Variants in ARHGAP23 observed in about 807,000 individuals in gnomAD.
ARHGAP23 encodes the protein Rho GTPase activating protein 23, also known as rho GTPase-activating protein 23.
Under a neutral mutation model 136.3 loss-of-function variants are expected in ARHGAP23, and 34 were observed. The ratio of observed to expected loss-of-function variants is 0.25; its 90% CI spans 0.19 to 0.33. The LOEUF (loss-of-function observed/expected upper bound fraction) is 0.33. Ranked by LOEUF, ARHGAP23 falls within the 10% of genes least tolerant of loss-of-function variation. The pLI, the probability that ARHGAP23 is intolerant of heterozygous loss-of-function variation, is 1.00. For missense variants in ARHGAP23, 1,808 were observed against 2,139.0 expected (o/e 0.85, Z 3.05); for synonymous variants, 832 against 920.5 (o/e 0.90, Z 1.74).
chr17:38,505,359 TCTC>T (rs1385177319), intron 23 of ARHGAP23, among the ~76,000 whole-genome samples: 2 of 151,916 alleles, frequency 1.3e-5, no homozygotes, highest in African/African-American at 4.8e-5. Context: ...ACTTTTGTCT[TCTC>T]TGGTGGTCCC....
At chr17:38,467,810 C>T (rs1367960161) in intron 7 of ARHGAP23, among the ~76,000 whole-genome samples, 1 of 152,194 alleles carries the variant, frequency 6.6e-6, no homozygotes, top group African/African-American at 2.4e-5. Flanking sequence ...TCCTTTGACT[C>T]TTCCTTCCAT....
At chr17:38,460,852 C>T in intron 2 of ARHGAP23, 53 bp from the exon 3 acceptor site, 1 of 1,536,034 alleles carries the variant, frequency 6.5e-7, no homozygotes. Context: ...TGGGCCACCC[C>T]TGGCTGCTGA....
chr17:38,458,069 G>A (rs1353784288), intron 1 of ARHGAP23, 33 bp from the exon 2 acceptor site: 11 of 1,535,000 alleles, frequency 7.2e-6, no homozygotes, highest in South Asian at 1.2e-5. Flanking sequence ...TCAGCCACAC[G>A]GGCGCTCAGC....
At position 38,431,938 on chromosome 17, in the gene ARHGAP23, A is replaced by G. The variant is rs1001575251; in HGVS notation, c.63+3390A>G. On this transcript the variant is annotated intron_variant, in intron 1 of 23. Coordinates refer to ENST00000622683, the MANE Select transcript of ARHGAP23 (RefSeq NM_001199417.2). ...CCAAGAGGGAGAGGGGAGGGCAGGG[A>G]GCTGCAGGGATGAGTGGACAATGTA... Among the ~76,000 whole-genome samples, 3 of 152,246 alleles carry G rather than the reference A, an allele frequency of 2.0e-5. No homozygotes were observed. In the East Asian group the frequency reaches 5.8e-4, roughly 29 times the overall value.
intron 11 of ARHGAP23, among the ~76,000 whole-genome samples, chr17:38,476,558 C>T (rs1201298116): frequency 3.3e-5 from 5 of 152,158 alleles, no homozygotes; most frequent in East Asian, 3.9e-4. Flanking sequence ...GTGGGGGTGC[C>T]GGGCTGTGGC....
At chr17:38,424,714 G>A (rs2038553000), upstream of ARHGAP23, among the ~76,000 whole-genome samples, 1 of 152,188 alleles carries the variant, frequency 6.6e-6, no homozygotes. Flanking sequence ...TGCGGGTTAA[G>A]TGTATAGACC....
upstream of ARHGAP23, among the ~76,000 whole-genome samples, chr17:38,426,680 G>A (rs951550433): frequency 1.3e-5 from 2 of 152,024 alleles, no homozygotes; most frequent in Non-Finnish European, 2.9e-5. Context: ...GGAAGGGAGA[G>A]GAGTCATTTA....
upstream of ARHGAP23, chr17:38,428,312 G>A (rs868352064): frequency 8.1e-4 from 215 of 266,630 alleles, no homozygotes; most frequent in Middle Eastern, 0.015. Flanking sequence ...CGAGGCCGCC[G>A]GGGCACCCAG....
At chr17:38,435,743 C>A (rs925276753) in intron 1 of ARHGAP23, among the ~76,000 whole-genome samples, 2 of 152,156 alleles carry the variant, frequency 1.3e-5, no homozygotes, top group African/African-American at 2.4e-5. Flanking sequence ...GGATTACAGG[C>A]GCCCTCTACC....
chr17:38,496,339 T>G (rs2144774969), intron 20 of ARHGAP23, among the ~76,000 whole-genome samples: 1 of 151,880 alleles, frequency 6.6e-6, no homozygotes, highest in African/African-American at 2.4e-5. Context: ...CTGTGCAAGG[T>G]GGCACATGCC....
chr17:38,454,365 T>C (rs909427761), intron 1 of ARHGAP23, among the ~76,000 whole-genome samples: 1 of 152,048 alleles, frequency 6.6e-6, no homozygotes, highest in Non-Finnish European at 1.5e-5. Context: ...ACCCCCAGTC[T>C]GGGTCGAGGC....
At chr17:38,498,954 G>A in intron 22 of ARHGAP23, 1 of 699,724 alleles carries the variant, frequency 1.4e-6, no homozygotes, top group Non-Finnish European at 2.6e-6. Flanking sequence ...AGATTTAAAG[G>A]GTACAGTGCG....
intron 10 of ARHGAP23, among the ~76,000 whole-genome samples, chr17:38,471,145 G>C (rs1357226420): frequency 6.6e-6 from 1 of 151,886 alleles, no homozygotes; most frequent in Non-Finnish European, 1.5e-5. Context: ...TAGAGATGGG[G>C]TTTCACCATG....
intron 7 of ARHGAP23, among the ~76,000 whole-genome samples, chr17:38,467,610 A>T (rs2039642740): frequency 6.6e-6 from 1 of 150,856 alleles, no homozygotes; most frequent in Non-Finnish European, 1.5e-5. Flanking sequence ...CTCCCCATCC[A>T]TCCATCCATC....
intron 1 of ARHGAP23, among the ~76,000 whole-genome samples, chr17:38,446,468 G>A (rs1322542401): frequency 1.3e-5 from 2 of 152,006 alleles, no homozygotes; most frequent in African/African-American, 4.8e-5. Flanking sequence ...GGACACTTGG[G>A]TTGCTTCCAT....
At chr17:38,445,995 A>C (rs1455002950) in intron 1 of ARHGAP23, among the ~76,000 whole-genome samples, 2 of 147,830 alleles carry the variant, frequency 1.4e-5, no homozygotes, top group East Asian at 4.0e-4. Flanking sequence ...GTTCATCCAC[A>C]TTGTAGCATG....
chr17:38,437,893 TTG>T (rs1372324122), intron 1 of ARHGAP23, among the ~76,000 whole-genome samples: 3 of 152,102 alleles, frequency 2.0e-5, no homozygotes, highest in Non-Finnish European at 4.4e-5. Flanking sequence ...GAGTCTGGAT[TTG>T]CTCGTGAGTG....
rs1245719091 is a variant in ARHGAP23 at position 38,469,891 on chromosome 17, T to A, written c.1961T>A (p.Phe654Tyr). The A allele has an allele frequency of 6.4e-7, 1 of 1,551,696 alleles. No individual in the cohort carries two copies. The highest frequency in any genetic ancestry group is 1.2e-5 in the South Asian group (1 of 84,066). ...CCCAGCCTGCGGATGCTCCGGAGCT[T>A]CTTCACCGACGGGGTGAGAGCTGCA... ...RIPSLRMLRSFFTDGSLDSWG... is the reference protein window; with the variant it reads ...RIPSLRMLRSYFTDGSLDSWG... The change falls in exon 10 of 24, where the codon TTC (phenylalanine) becomes TAC (tyrosine). Residue 654 changes from phenylalanine (F) to tyrosine (Y), a missense_variant. Physicochemically the swap from Phe to Tyr is conservative, Grantham distance 22. Around this residue, in one of 7 missense-constraint regions of ARHGAP23, gnomAD observed 859 missense variants for 936.4 expected, o/e 0.92. Coordinates refer to ENST00000622683, the MANE Select transcript of ARHGAP23 (RefSeq NM_001199417.2).
chr17:38,467,124 C>G lies in ARHGAP23; in HGVS notation c.1441C>G (p.Pro481Ala), dbSNP rs1479271667. The change falls in exon 7 of 24, where the codon CCT (proline) becomes GCT (alanine). Residue 481 changes from proline (P) to alanine (A), a missense_variant. Transcript: ENST00000622683. ...ACCCAGCACCCGGGCCCTGGAGCCT[C>G]CTGCGGAGGATCGCGGCGATGAGGT... is the stretch of plus-strand genomic sequence containing the variant. Reference protein sequence around the residue: ...PEPSTRALEPPAEDRGDEVVL... With the variant: ...PEPSTRALEPAAEDRGDEVVL... 8 of 1,550,184 alleles carry G rather than the reference C, an allele frequency of 5.2e-6. No homozygotes were observed. Among genetic ancestry groups the G allele is most frequent in the Non-Finnish European group, 7.0e-6 (8 of 1,146,614 alleles).
Sources: gnomAD v4.1 joint callset for allele counts (sites outside exome capture counted in the v4.1 genomes callset) on GRCh38, gnomAD v4.1.1 for gene constraint, gnomAD v4.1.1 regional missense constraint, MANE v1.5 for transcripts, NCBI Gene and HGNC (gene_info 2026-07-23, HGNC 2026-07-21) for gene names.